The following INPP5A variants were observed in gnomAD, a reference collection of about 807,000 sequenced individuals.
INPP5A encodes 43 kDa inositol polyphosphate 5-phophatase.
In INPP5A, 14 loss-of-function variants were observed where a neutral mutation model predicts 65.2. The ratio of observed to expected loss-of-function variants is 0.21; its 90% CI spans 0.14 to 0.34. INPP5A has a LOEUF of 0.34. Among genes scored for constraint, INPP5A ranks in the 10% least tolerant of loss-of-function variants. The pLI is 1.00. For missense variants in INPP5A, 431 were observed against 545.6 expected (o/e 0.79, Z 2.09); for synonymous variants, 207 against 208.3 (o/e 0.99, Z 0.05).
In INPP5A at chr10:132,780,566, C is replaced by T. The variant is rs545738439; in HGVS notation, c.1090-283C>T. Reference sequence around the variant, plus strand: ...AGCTTGGGAGCCGGGCCAGCACCCGCGGCTCCCCACGCGACCCCTCCTAGA... The same window carrying T: ...AGCTTGGGAGCCGGGCCAGCACCCGTGGCTCCCCACGCGACCCCTCCTAGA... On this transcript the variant is annotated intron_variant, in intron 13 of 15. Transcript: ENST00000368594. Among the ~76,000 whole-genome samples the T allele has an allele frequency of 6.6e-4, 100 of 152,356 alleles. 2 individuals are homozygous for T. The highest frequency in any genetic ancestry group is 6.8e-3 in the Middle Eastern group (2 of 294).
chr10:132,583,205 A>G (rs1423084931), intron 1 of INPP5A, among the ~76,000 whole-genome samples: 1 of 152,150 alleles, frequency 6.6e-6, no homozygotes, highest in East Asian at 1.9e-4. Context: ...GGTATTTTTA[A>G]ACGTGTGATT....
chr10:132,599,869 C>T (rs2071754280), intron 1 of INPP5A, among the ~76,000 whole-genome samples: 1 of 152,270 alleles, frequency 6.6e-6, no homozygotes, highest in South Asian at 2.1e-4. Flanking sequence ...TCTGAAGCCA[C>T]AGCCCGAGCT....
At chr10:132,564,058 A>T (rs1236878557) in intron 1 of INPP5A, among the ~76,000 whole-genome samples, 2 of 152,164 alleles carry the variant, frequency 1.3e-5, no homozygotes, top group African/African-American at 4.8e-5. Context: ...AGGTGTGAGG[A>T]TGCCTTCTCA....
intron 2 of INPP5A, among the ~76,000 whole-genome samples, chr10:132,633,602 A>G (rs1203668178): frequency 3.3e-5 from 5 of 152,126 alleles, no homozygotes. Flanking sequence ...TTGGTAAGAA[A>G]CAGAGATTCC....
chr10:132,737,102 T>C (rs2803993), intron 9 of INPP5A, among the ~76,000 whole-genome samples: 39,287 of 152,200 alleles, frequency 0.26, 5,242 homozygotes, highest in African/African-American at 0.29. Flanking sequence ...GCATGGCGGC[T>C]GACTCCTCAG....
chr10:132,712,601 C>T lies in INPP5A; in HGVS notation c.647+2145C>T, dbSNP rs537279559. Among the ~76,000 whole-genome samples, 86 of 131,792 alleles carry T rather than the reference C, an allele frequency of 6.5e-4. 1 individual carries two copies. The highest frequency in any genetic ancestry group is 2.4e-3 in the African/African-American group (83 of 34,354). 86.5% of individuals were successfully genotyped at this position (131,792 alleles called of 152,430 possible). A position where few individuals can be genotyped will look rare whatever the true frequency, so the allele number is the denominator to read the frequency against. ...ATGTGAGTGCGGGTGTATGTGTGCGCGGGTGTGTGGGTGCATGTGTGTGTG... is the reference window on the plus strand; with the variant it reads ...ATGTGAGTGCGGGTGTATGTGTGCGTGGGTGTGTGGGTGCATGTGTGTGTG... On this transcript the variant is annotated intron_variant, in intron 8 of 15. Transcript: ENST00000368594.
In INPP5A at chr10:132,744,980, G is replaced by A. The variant is rs183958761; in HGVS notation, c.733-4537G>A. 2.4e-3 allele frequency among the ~76,000 whole-genome samples: 365 copies of A among 152,274 alleles called. 4 individuals carry two copies. Among genetic ancestry groups the A allele is most frequent in the African/African-American group, 8.4e-3 (350 of 41,586 alleles). ...CGGTGCAGCCCCTGGCAGCTTGCGA[G>A]GCCCGGGCTGCCCGCCTCTCCCGTG... On this transcript the variant is annotated intron_variant, in intron 9 of 15. Transcript: ENST00000368594.
At chr10:132,685,354 G>A (rs1224799843) in intron 4 of INPP5A, among the ~76,000 whole-genome samples, 1 of 152,280 alleles carries the variant, frequency 6.6e-6, no homozygotes, top group Admixed American at 6.5e-5. Flanking sequence ...AACCAGCACA[G>A]GGGAAGGGCC....
intron 11 of INPP5A, among the ~76,000 whole-genome samples, chr10:132,756,771 C>A (rs1846627477): frequency 6.6e-6 from 1 of 152,258 alleles, no homozygotes; most frequent in Non-Finnish European, 1.5e-5. Context: ...GTCCTTCAGG[C>A]AGGTCCACGG....
At position 132,693,877 on chromosome 10, in the gene INPP5A, A is replaced by G. The variant is rs111741382; in HGVS notation, c.370+3422A>G. Reference sequence around the variant, plus strand: ...TGCCTAACAACAGAGTGTCAAATACACAAGGCAAACCAAGTAGAGCTGCCA... The same window carrying G: ...TGCCTAACAACAGAGTGTCAAATACGCAAGGCAAACCAAGTAGAGCTGCCA... On this transcript the variant is annotated intron_variant, in intron 5 of 15. Coordinates refer to ENST00000368594, the MANE Select transcript of INPP5A (RefSeq NM_005539.5). 4.5e-3 allele frequency among the ~76,000 whole-genome samples: 679 copies of G among 152,294 alleles called. 3 individuals are homozygous for G. Among genetic ancestry groups the G allele is most frequent in the African/African-American group, 0.016 (649 of 41,564 alleles).
At chr10:132,558,183 C>A (rs922793286) in intron 1 of INPP5A, among the ~76,000 whole-genome samples, 2 of 152,212 alleles carry the variant, frequency 1.3e-5, no homozygotes, top group Non-Finnish European at 1.5e-5. Context: ...CGCTCTGTGT[C>A]CTGATAGCCT....
intron 9 of INPP5A, among the ~76,000 whole-genome samples, chr10:132,733,939 T>C (rs868188288): frequency 2.6e-5 from 4 of 152,202 alleles, no homozygotes; most frequent in Non-Finnish European, 4.4e-5. Flanking sequence ...AGCACACACA[T>C]CCTGGGCTCT....
At chr10:132,746,244 A>G (rs1272132086) in intron 9 of INPP5A, among the ~76,000 whole-genome samples, 1 of 152,238 alleles carries the variant, frequency 6.6e-6, no homozygotes, top group African/African-American at 2.4e-5. Context: ...GAGAGTACAG[A>G]ACAACTTTTT....
rs1249522320 is a variant in INPP5A at position 132,545,573 on chromosome 10, C to G, written c.75+7402C>G. On this transcript the variant is annotated intron_variant, in intron 1 of 15. Transcript: ENST00000368594. This position sits in a 1 kb window ranked among gnomAD's most constrained non-coding sequence, Gnocchi z 4.6. ...CGGGTCCTTCTGATGTGAGTGCACT[C>G]CAGTGAAATACCTGTGGGGGCCTTA... Among the ~76,000 whole-genome samples the G allele has an allele frequency of 6.6e-6, 1 of 152,240 alleles. No homozygotes were observed. The highest frequency in any genetic ancestry group is 1.5e-5 in the Non-Finnish European group (1 of 68,036).
intron 9 of INPP5A, among the ~76,000 whole-genome samples, chr10:132,737,994 C>T (rs932210357): frequency 2.6e-5 from 4 of 152,116 alleles, no homozygotes; most frequent in Non-Finnish European, 5.9e-5. Context: ...AGAATCTTCT[C>T]ATTTTATAGA....
intron 4 of INPP5A, among the ~76,000 whole-genome samples, chr10:132,652,702 G>A (rs2072593367): frequency 6.6e-6 from 1 of 152,294 alleles, no homozygotes. Flanking sequence ...AAAGACACAG[G>A]TATTTTAAAA....
At chr10:132,554,602 G>A (rs991532117) in intron 1 of INPP5A, among the ~76,000 whole-genome samples, 7 of 152,024 alleles carry the variant, frequency 4.6e-5, no homozygotes, top group Non-Finnish European at 1.0e-4. Context: ...GGGTAGCATG[G>A]TCCATGTGGG....
chr10:132,578,622 G>A (rs910991837), intron 1 of INPP5A, among the ~76,000 whole-genome samples: 21 of 144,842 alleles, frequency 1.4e-4, no homozygotes, highest in African/African-American at 4.6e-4. Context: ...TGTGTGGGGC[G>A]TCTCACCCAG....
intron 1 of INPP5A, among the ~76,000 whole-genome samples, chr10:132,589,633 C>A (rs2071592143): frequency 6.6e-6 from 1 of 152,240 alleles, no homozygotes; most frequent in African/African-American, 2.4e-5. Context: ...TTGTGTGTCC[C>A]AGAACCCCGA....
Sources: gnomAD v4.1 joint callset for allele counts (sites outside exome capture counted in the v4.1 genomes callset) on GRCh38, gnomAD v4.1.1 for gene constraint, Gnocchi (gnomAD v3.1) non-coding constraint, MANE v1.5 for transcripts, NCBI Gene and HGNC (gene_info 2026-07-23, HGNC 2026-07-21) for gene names.